TSPAN18: variants seen among roughly 807,000 people sequenced by gnomAD.
TSPAN18 encodes the protein tetraspanin 18, also known as tetraspanin-18.
Under a neutral mutation model 27.3 loss-of-function variants are expected in TSPAN18, and 14 were observed. That is an observed-to-expected ratio of 0.51 (90% confidence interval 0.34 to 0.80). The LOEUF is 0.80. TSPAN18 is among the 30% of genes least tolerant of loss of function. The pLI is 0.01. For missense variants in TSPAN18, 268 were observed against 323.9 expected (o/e 0.83, Z 1.32); for synonymous variants, 143 against 136.5 (o/e 1.05, Z -0.33).
intron 2 of TSPAN18, among the ~76,000 whole-genome samples, chr11:44,782,329 G>A (rs757466554): frequency 1.3e-5 from 2 of 152,108 alleles, no homozygotes; most frequent in Non-Finnish European, 2.9e-5. Flanking sequence ...GGATCATGAG[G>A]TCAGGAGTTC....
At chr11:44,811,157 CACACACACACACACA>C (rs1413426587) in intron 2 of TSPAN18, among the ~76,000 whole-genome samples, 2 of 151,156 alleles carry the variant, frequency 1.3e-5, no homozygotes, top group Non-Finnish European at 3.0e-5. Context: ...CACACACACA[CACACACACACACACA>C]CACCCCTGCC....
intron 2 of TSPAN18, among the ~76,000 whole-genome samples, chr11:44,781,834 C>G (rs1855946290): frequency 6.6e-6 from 1 of 152,306 alleles, no homozygotes; most frequent in Middle Eastern, 3.4e-3. Flanking sequence ...CCTCTTAGCC[C>G]TCCCCAGTTA....
intron 2 of TSPAN18, among the ~76,000 whole-genome samples, chr11:44,792,551 G>C (rs1219837451): frequency 6.6e-6 from 1 of 152,202 alleles, no homozygotes; most frequent in Non-Finnish European, 1.5e-5. Flanking sequence ...TGTTTCATTA[G>C]AGCTTTCTCA....
At chr11:44,786,129 G>A (rs2134966212) in intron 2 of TSPAN18, among the ~76,000 whole-genome samples, 1 of 152,386 alleles carries the variant, frequency 6.6e-6, no homozygotes, top group Non-Finnish European at 1.5e-5. Flanking sequence ...GCCCCGTGGT[G>A]TTTGGCAGTC....
chr11:44,932,347 C>CTGA lies in TSPAN18; in HGVS notation c.*3172_*3174dup, dbSNP rs1271418931. 1 of 152,222 alleles carries CTGA rather than the reference C, an allele frequency of 6.6e-6. No individual in the cohort carries two copies. The highest frequency in any genetic ancestry group is 1.5e-5 in the Non-Finnish European group (1 of 68,044). 9.4% of individuals were successfully genotyped at this position (152,222 alleles called of 1,614,324 possible). A position where few individuals can be genotyped will look rare whatever the true frequency, so the allele number is the denominator to read the frequency against. On this transcript the variant is annotated 3_prime_UTR_variant, in exon 10 of 10. Transcript: ENST00000520358. Reference sequence around the variant, plus strand: ...TGTAATATAAAACAGGACGCCCACACTGATGGTTTTGCACTGGTTTTTGTG... The same window carrying CTGA: ...TGTAATATAAAACAGGACGCCCACACTGATGATGGTTTTGCACTGGTTTTTGTG...
intron 3 of TSPAN18, among the ~76,000 whole-genome samples, chr11:44,880,416 C>T (rs1318194219): frequency 6.6e-6 from 1 of 152,166 alleles, no homozygotes; most frequent in Non-Finnish European, 1.5e-5. Context: ...CCCTGGGACT[C>T]CCTCTCCTCA....
intron 1 of TSPAN18, among the ~76,000 whole-genome samples, chr11:44,737,528 A>G (rs1854825610): frequency 6.6e-6 from 1 of 152,198 alleles, no homozygotes; most frequent in Admixed American, 6.5e-5. Context: ...CTGGATTTGA[A>G]AGTCTGCATT....
At chr11:44,754,901 G>T (rs1321247140) in intron 1 of TSPAN18, among the ~76,000 whole-genome samples, 2 of 152,194 alleles carry the variant, frequency 1.3e-5, no homozygotes, top group Non-Finnish European at 2.9e-5. Flanking sequence ...GAGGTTTTGG[G>T]CTGCCACAGG....
intron 3 of TSPAN18, among the ~76,000 whole-genome samples, chr11:44,897,200 A>T (rs917142482): frequency 2.0e-5 from 3 of 152,164 alleles, no homozygotes; most frequent in Non-Finnish European, 2.9e-5. Flanking sequence ...TTGACTTCTG[A>T]AATCGAACCC....
chr11:44,811,057 T>G (rs1412816851), intron 2 of TSPAN18, among the ~76,000 whole-genome samples: 1 of 151,878 alleles, frequency 6.6e-6, no homozygotes, highest in Middle Eastern at 3.2e-3. Flanking sequence ...CCCAAAACAA[T>G]AGCAGGCTTC....
chr11:44,727,083 G>GGCCCCA lies in TSPAN18; in HGVS notation c.-439_-438insAGCCCC, dbSNP rs1470808384. ...CGGCCCCGGCCCCAGCCCCGGCCCC[G>GGCCCCA]GCCCCGGCCCCGGCCCCGGCCCCGG... On this transcript the variant is annotated 5_prime_UTR_variant, in exon 1 of 10. Coordinates refer to ENST00000520358, the MANE Select transcript of TSPAN18 (RefSeq NM_130783.5). 0.098 allele frequency: 63 copies of GGCCCCA among 646 alleles called. No homozygotes were observed. The highest frequency in any genetic ancestry group is 0.17 in the African/African-American group (62 of 364). 0.0% of individuals were successfully genotyped at this position (646 alleles called of 1,614,324 possible).
chr11:44,850,247 G>C (rs1632268), intron 2 of TSPAN18, among the ~76,000 whole-genome samples: 51,005 of 151,920 alleles, frequency 0.34, 8,728 homozygotes, highest in South Asian at 0.37. Context: ...GTGATATGTA[G>C]ATACATTCTG....
intron 2 of TSPAN18, among the ~76,000 whole-genome samples, chr11:44,772,806 G>A (rs1384945454): frequency 6.6e-6 from 1 of 152,058 alleles, no homozygotes; most frequent in Non-Finnish European, 1.5e-5. Context: ...TTACAGACAT[G>A]TGCCACCACG....
intron 3 of TSPAN18, among the ~76,000 whole-genome samples, chr11:44,880,201 G>A (rs2135257396): frequency 6.6e-6 from 1 of 152,322 alleles, no homozygotes; most frequent in African/African-American, 2.4e-5. Flanking sequence ...TGGCCGCTGA[G>A]TGAGGTTTTC....
chr11:44,752,713 A>G (rs1009035408), intron 1 of TSPAN18, among the ~76,000 whole-genome samples: 4 of 152,258 alleles, frequency 2.6e-5, no homozygotes, highest in African/African-American at 9.6e-5. Context: ...TTTAATGAGG[A>G]GGCCAGCAAG....
intron 1 of TSPAN18, among the ~76,000 whole-genome samples, chr11:44,756,383 C>T (rs1034197447): frequency 3.0e-4 from 45 of 151,450 alleles, no homozygotes; most frequent in Non-Finnish European, 5.3e-4. Context: ...CCCTTTTTTT[C>T]CCCATTTTTT....
intron 3 of TSPAN18, among the ~76,000 whole-genome samples, chr11:44,863,140 T>G (rs1478363888): frequency 6.6e-6 from 1 of 151,990 alleles, no homozygotes; most frequent in Non-Finnish European, 1.5e-5. Context: ...CAGAAGGAGA[T>G]GTTACTGCTG....
rs140655601 is a variant in TSPAN18, at chr11:44,865,008, C to T, written c.-11+4539C>T. 4.0e-3 allele frequency among the ~76,000 whole-genome samples: 602 copies of T among 152,306 alleles called. 4 individuals are homozygous for T. Among genetic ancestry groups the T allele is most frequent in the African/African-American group, 0.012 (508 of 41,550 alleles). ...AGGATCACAGTGGATTTACTGGAAT[C>T]GGTGTTGTCCCAGCCTCAGCCGGGG... On this transcript the variant is annotated intron_variant, in intron 3 of 9. Transcript: ENST00000520358.
intron 9 of TSPAN18, 130 bp downstream of exon 9, chr11:44,926,887 T>C: frequency 1.1e-6 from 1 of 875,312 alleles, no homozygotes; most frequent in Non-Finnish European, 1.8e-6. Flanking sequence ...CTGTGGGTGC[T>C]ATGGGGTGGT....
Sources: gnomAD v4.1 joint callset for allele counts (sites outside exome capture counted in the v4.1 genomes callset) on GRCh38, gnomAD v4.1.1 for gene constraint, MANE v1.5 for transcripts, NCBI Gene and HGNC (gene_info 2026-07-23, HGNC 2026-07-21) for gene names.